Variants in ATG2B observed in about 807,000 individuals in gnomAD.
The protein encoded by ATG2B is autophagy-related protein 2 homolog B.
In ATG2B, 121 loss-of-function variants were observed where a neutral mutation model predicts 241.3. The ratio of observed to expected loss-of-function variants is 0.50; its 90% CI spans 0.43 to 0.58. ATG2B has a LOEUF of 0.58. ATG2B is among the 20% of genes least tolerant of loss of function. The probability of loss-of-function intolerance (pLI) is 0.00; values close to 1 mark genes in which losing one functional copy is unlikely to be tolerated. For missense variants in ATG2B, 2,306 were observed against 2,491.6 expected (o/e 0.93, Z 1.59); for synonymous variants, 858 against 876.6 (o/e 0.98, Z 0.37).
chr14:96,334,757 G>A (rs1156648130), intron 6 of ATG2B, among the ~76,000 whole-genome samples: 2 of 152,140 alleles, frequency 1.3e-5, no homozygotes, highest in Non-Finnish European at 2.9e-5. Context: ...GTCTCTTCAA[G>A]TCTTCTGAGT....
At chr14:96,324,539 T>C (rs772106157) in intron 15 of ATG2B, among the ~76,000 whole-genome samples, 2 of 151,990 alleles carry the variant, frequency 1.3e-5, no homozygotes, top group Non-Finnish European at 2.9e-5. Flanking sequence ...ATACAAAAAT[T>C]AGCTGGGTGT....
intron 14 of ATG2B, 142 bp from the exon 15 acceptor site, chr14:96,326,064 C>A (rs1286172210): frequency 8.9e-6 from 7 of 789,056 alleles, no homozygotes; most frequent in African/African-American, 7.1e-5. Flanking sequence ...TTAACCACTA[C>A]CATATTAATT....
Position 96,294,896 on chromosome 14 carries a change from C to A in ATG2B, c.5426+64G>T. 3.5e-6 allele frequency: 5 copies of A among 1,431,360 alleles called. No homozygotes were observed. In the East Asian group the frequency reaches 9.3e-5, roughly 27 times the overall value. The allele number at this position is 1,431,360 out of a possible 1,614,324, so 88.7% of individuals were successfully genotyped here. Reference sequence around the variant, plus strand: ...AACCTCATGATTACCAGCACACATACATCACAGAACAATCTTCAAAAGTCT... The same window carrying A: ...AACCTCATGATTACCAGCACACATAAATCACAGAACAATCTTCAAAAGTCT... On this transcript the variant is annotated intron_variant, in intron 36 of 41. Coordinates refer to ENST00000359933, the MANE Select transcript of ATG2B (RefSeq NM_018036.7).
chr14:96,317,846 A>T lies in ATG2B; in HGVS notation c.2889T>A (p.Asn963Lys). ...CTGTTGGTTCCCACAGTAGCAAGTC[A>T]TTAAAGATCCTATAAAGACAAAAGT... ...FYEKLYNRIF[N>K]DLLLWEPTAP... The change falls in exon 19 of 42, where the codon AAT becomes AAA. Residue 963 changes from asparagine to lysine, a missense_variant. Asn to Lys is a moderately conservative substitution (Grantham distance 94, BLOSUM62 0). Around this residue, in one of 2 missense-constraint regions of ATG2B, gnomAD observed 1,927 missense variants for 2,011.2 expected, o/e 0.96. Transcript: ENST00000359933. The T allele has an allele frequency of 6.2e-7, 1 of 1,603,854 alleles. No individual in the cohort carries two copies. Among genetic ancestry groups the T allele is most frequent in the Admixed American group, 1.7e-5 (1 of 58,882 alleles).
Position 96,283,563 on chromosome 14 carries a change from C to A in ATG2B, c.*2192G>T, listed in dbSNP as rs1250008706. ...CCATTTACCAGGAGGGATGCTGAGGCTTACAGGGATCAGATGTCCTGGACA... is the reference window on the plus strand; with the variant it reads ...CCATTTACCAGGAGGGATGCTGAGGATTACAGGGATCAGATGTCCTGGACA... On this transcript the variant is annotated 3_prime_UTR_variant, in exon 42 of 42. Coordinates refer to ENST00000359933, the MANE Select transcript of ATG2B (RefSeq NM_018036.7). The A allele has an allele frequency of 6.6e-6, 1 of 152,192 alleles. No homozygotes were observed. The highest frequency in any genetic ancestry group is 6.5e-5 in the Admixed American group (1 of 15,282). The allele number at this position is 152,192 out of a possible 1,614,324, so 9.4% of individuals were successfully genotyped here. A position where few individuals can be genotyped will look rare whatever the true frequency, so the allele number is the denominator to read the frequency against.
At chr14:96,303,017 C>G (rs769095927) in intron 33 of ATG2B, 44 bp downstream of exon 33, 2 of 1,366,396 alleles carry the variant, frequency 1.5e-6, no homozygotes, top group Admixed American at 2.7e-5. Context: ...AATAAAAACA[C>G]GTTTCCAAAA....
At position 96,303,199 on chromosome 14, in the gene ATG2B, G is replaced by A. The variant is rs35682045; in HGVS notation, c.4899C>T (p.Leu1633=). The change falls in exon 33 of 42, where the codon CTC becomes CTT. Residue 1633 remains leucine, a synonymous_variant. Transcript: ENST00000359933. ...PPCKPDCDSS[L]SEHPVSRQVF... is the part of the protein sequence containing the mutation. ...CCTGCCGGGAGACTGGGTGTTCTGA[G>A]AGGCTGGAATCACAATCAGGTTTGC... The A allele has an allele frequency of 1.1e-3, 1,756 of 1,611,410 alleles. 20 individuals carry two copies. The African/African-American group carries it at 0.021, about 19-fold the overall frequency.
Position 96,325,666 on chromosome 14 carries a change from G to C in ATG2B, c.2420C>G (p.Thr807Ser). The change falls in exon 15 of 42, where the codon ACC (threonine) becomes AGC (serine). Residue 807 changes from threonine to serine, a missense_variant. By Grantham distance (58) the Thr-to-Ser change is moderately conservative. Around this residue, in one of 2 missense-constraint regions of ATG2B, gnomAD observed 1,927 missense variants for 2,011.2 expected, o/e 0.96. Coordinates refer to ENST00000359933, the MANE Select transcript of ATG2B (RefSeq NM_018036.7). Reference sequence around the variant, plus strand: ...AATCTTACCAATTAGTTCTCTAAAGGTAAGTTCCAATTTAATTTGTTCTGG... The same window carrying C: ...AATCTTACCAATTAGTTCTCTAAAGCTAAGTTCCAATTTAATTTGTTCTGG... ...STPEQIKLEL[T>S]FRELIGSFQE... is the part of the protein sequence containing the mutation. The C allele has an allele frequency of 6.2e-7, 1 of 1,612,754 alleles. No individual in the cohort carries two copies.
chr14:96,293,014 TTTAA>T (rs1886531360), intron 36 of ATG2B: 1 of 152,224 alleles, frequency 6.6e-6, no homozygotes, highest in South Asian at 2.1e-4. Context: ...TATTGCCTTT[TTTAA>T]TTAATATTTT....
At chr14:96,297,675 G>A (rs1364293015) in intron 34 of ATG2B, among the ~76,000 whole-genome samples, 1 of 152,148 alleles carries the variant, frequency 6.6e-6, no homozygotes, top group Non-Finnish European at 1.5e-5. Flanking sequence ...GAGATTACAG[G>A]CGTGAGCCAC....
At position 96,358,698 on chromosome 14, in the gene ATG2B, G is replaced by C. The variant is rs566741983; in HGVS notation, c.162+4117C>G. On this transcript the variant is annotated intron_variant, in intron 1 of 41. Transcript: ENST00000359933. Reference sequence around the variant, plus strand: ...AGTAGTAAAAATTCTCAACCTACTTGGCTCAAGCAACATTTTCCACACCAG... The same window carrying C: ...AGTAGTAAAAATTCTCAACCTACTTCGCTCAAGCAACATTTTCCACACCAG... 7.9e-5 allele frequency among the ~76,000 whole-genome samples: 12 copies of C among 152,000 alleles called. No homozygotes were observed. In the South Asian group the frequency reaches 2.5e-3, roughly 32 times the overall value.
chr14:96,285,637 A>T lies in ATG2B; in HGVS notation c.*118T>A, dbSNP rs1886312954. The T allele has an allele frequency of 1.1e-6, 1 of 906,438 alleles. No homozygotes were observed. The highest frequency in any genetic ancestry group is 1.7e-6 in the Non-Finnish European group (1 of 595,206). 56.1% of individuals were successfully genotyped at this position (906,438 alleles called of 1,614,324 possible). A position where few individuals can be genotyped will look rare whatever the true frequency, so the allele number is the denominator to read the frequency against. On this transcript the variant is annotated 3_prime_UTR_variant, in exon 42 of 42. Transcript: ENST00000359933. The surrounding 1 kb of genome is among the most constrained non-coding windows in gnomAD (Gnocchi z 4.2). ...TGATGTTAAATTATTTAACTAAAAA[A>T]TGCTTTTGTTCCTGAGATGAGCACA...
intron 30 of ATG2B, 65 bp from the exon 31 acceptor site, chr14:96,305,880 C>T: frequency 8.0e-7 from 1 of 1,248,636 alleles, no homozygotes; most frequent in Non-Finnish European, 1.2e-6. Flanking sequence ...TTATGCTGCA[C>T]ATCTCAAGGG....
Position 96,316,520 on chromosome 14 carries a change from G to GT in ATG2B, c.3361+12dup. ...GTCTAAAGAGAAGAAACCAAGACAC[G>GT]TGTTTGTCCTACCTTTATGGTACAG... On this transcript the variant is annotated intron_variant, in intron 21 of 41. Coordinates refer to ENST00000359933, the MANE Select transcript of ATG2B (RefSeq NM_018036.7). 6.2e-7 allele frequency: 1 copy of GT among 1,607,040 alleles called. No individual in the cohort carries two copies. Among genetic ancestry groups the GT allele is most frequent in the South Asian group, 1.1e-5 (1 of 88,904 alleles).
intron 34 of ATG2B, among the ~76,000 whole-genome samples, chr14:96,301,793 G>A (rs1886798503): frequency 6.6e-6 from 1 of 152,176 alleles, no homozygotes; most frequent in Non-Finnish European, 1.5e-5. Flanking sequence ...ATCACACCAT[G>A]AGTAGGAGAC....
chr14:96,347,317 C>T lies in ATG2B; in HGVS notation c.187G>A (p.Ala63Thr). Residue 63 changes from alanine to threonine, a missense_variant, in exon 2 of 42, where the codon GCA becomes ACA. Transcript: ENST00000359933. ...KWCLNEILES[A>T]DAPLEVTEGF... is the part of the protein sequence containing the mutation. The stretch of plus-strand genomic sequence containing the variant: ...TCAGTGACTTCTAAGGGTGCATCTG[C>T]TGACTCCAAGATCTCATTGAGACAC... 2.5e-6 allele frequency: 4 copies of T among 1,594,882 alleles called. No homozygotes were observed. In the South Asian group the frequency reaches 4.5e-5, roughly 18 times the overall value.
chr14:96,362,775 GGGAGCGAGCCCCGCCC>G, intron 1 of ATG2B, 24 bp downstream of exon 1: 2 of 1,576,830 alleles, frequency 1.3e-6, no homozygotes, highest in Non-Finnish European at 1.7e-6. Context: ...CCCTAAAGAG[GGGAGCGAGCCCCGCCC>G]GGCTCGCCGC....
intron 21 of ATG2B, 72 bp from the exon 22 acceptor site, chr14:96,315,655 T>C (rs1057131833): frequency 8.0e-7 from 1 of 1,245,488 alleles, no homozygotes; most frequent in African/African-American, 1.5e-5. Context: ...CTTACATGAC[T>C]CAAAACAAAA....
intron 1 of ATG2B, among the ~76,000 whole-genome samples, chr14:96,348,580 G>A (rs1024599480): frequency 6.6e-6 from 1 of 151,802 alleles, no homozygotes; most frequent in African/African-American, 2.4e-5. Context: ...CTGCTTGGGA[G>A]GCTGAAACAA....
Sources: allele counts gnomAD v4.1 joint callset (sites outside exome capture counted in the v4.1 genomes callset), GRCh38; gene constraint gnomAD v4.1.1; regional missense constraint gnomAD v4.1.1; non-coding constraint Gnocchi (gnomAD v3.1); transcripts MANE v1.5; gene names NCBI Gene and HGNC (gene_info 2026-07-23, HGNC 2026-07-21).